Variants in PCED1B observed in about 807,000 individuals in gnomAD.
PCED1B encodes PC-esterase domain-containing protein 1B.
For synonymous variants in PCED1B, 251 were observed against 246.1 expected, an observed-to-expected ratio of 1.02 and a Z score of -0.19; for missense variants, 573 against 573.9, an observed-to-expected ratio of 1.00 and a Z score of 0.02.
intron 2 of PCED1B, among the ~76,000 whole-genome samples, chr12:47,120,052 A>G (rs959907268): frequency 6.6e-6 from 1 of 152,132 alleles, no homozygotes; most frequent in African/African-American, 2.4e-5. Context: ...TCTCCAAGGA[A>G]GATACACAAA....
At chr12:47,221,385 T>C (rs214703) in intron 3 of PCED1B, among the ~76,000 whole-genome samples, 58,764 of 146,644 alleles carry the variant, frequency 0.4, 13,046 homozygotes, top group African/African-American at 0.6. Flanking sequence ...CACCATGTTG[T>C]CCAGGTTGGT....
intron 3 of PCED1B, among the ~76,000 whole-genome samples, chr12:47,224,544 C>CAGTG (rs1374661074): frequency 6.6e-6 from 1 of 152,230 alleles, no homozygotes; most frequent in Non-Finnish European, 1.5e-5. Context: ...AATATACCCA[C>CAGTG]AGTGATTCCT....
At chr12:47,167,557 C>T (rs1037732045) in intron 2 of PCED1B, among the ~76,000 whole-genome samples, 10 of 152,040 alleles carry the variant, frequency 6.6e-5, no homozygotes, top group Non-Finnish European at 4.4e-5. Flanking sequence ...CAAGGACACA[C>T]GTGTACCCAG....
intron 1 of PCED1B, among the ~76,000 whole-genome samples, chr12:47,095,735 T>C (rs1420869949): frequency 6.6e-6 from 1 of 152,244 alleles, no homozygotes; most frequent in Non-Finnish European, 1.5e-5. Context: ...ATTTTTTCAG[T>C]GTTTAGAGTT....
rs148925320 is a variant in PCED1B at position 47,235,607 on chromosome 12, C to T, written c.544C>T (p.Arg182Trp). The T allele has an allele frequency of 6.2e-6, 10 of 1,609,336 alleles. No homozygotes were observed. Among genetic ancestry groups the T allele is most frequent in the African/African-American group, 4.0e-5 (3 of 74,828 alleles). Residue 182 changes from arginine to tryptophan, a missense_variant, in exon 4 of 4, where the codon CGG (arginine) becomes TGG (tryptophan). Arg to Trp is a moderately radical substitution (Grantham distance 101). Coordinates refer to ENST00000546455, the MANE Select transcript of PCED1B (RefSeq NM_138371.3). ...CGGGGGTTTTCTTCCGCCCAAGCTCCGGCGGCAGAAGGCCACCTTCCTGAA... is the reference window on the plus strand; with the variant it reads ...CGGGGGTTTTCTTCCGCCCAAGCTCTGGCGGCAGAAGGCCACCTTCCTGAA... Reference protein sequence around the residue: ...VTGGFLPPKLRRQKATFLKNE... With the variant: ...VTGGFLPPKLWRQKATFLKNE...
intron 2 of PCED1B, among the ~76,000 whole-genome samples, chr12:47,194,265 G>T (rs1044343572): frequency 1.3e-5 from 2 of 152,118 alleles, no homozygotes; most frequent in South Asian, 4.1e-4. Context: ...ACCTCCACCT[G>T]CTGGGTTCAA....
intron 3 of PCED1B, among the ~76,000 whole-genome samples, chr12:47,224,366 C>A (rs764322449): frequency 6.6e-6 from 1 of 152,102 alleles, no homozygotes; most frequent in Admixed American, 6.6e-5. Flanking sequence ...AATTCATAGG[C>A]GTTGTTTATA....
At chr12:47,183,815 T>G (rs1407609520) in intron 2 of PCED1B, among the ~76,000 whole-genome samples, 1 of 152,202 alleles carries the variant, frequency 6.6e-6, no homozygotes, top group African/African-American at 2.4e-5. Flanking sequence ...TTTTTATGTT[T>G]TAATAGACTT....
chr12:47,131,154 C>T (rs1329770028), intron 2 of PCED1B, among the ~76,000 whole-genome samples: 41 of 152,270 alleles, frequency 2.7e-4, no homozygotes, highest in Non-Finnish European at 2.9e-5. Context: ...CAATATCTAT[C>T]ACTTACTTAA....
Position 47,095,615 on chromosome 12 carries a change from G to C in PCED1B, c.-608-8498G>C, listed in dbSNP as rs183513490. Among the ~76,000 whole-genome samples the C allele has an allele frequency of 1.1e-3, 162 of 152,178 alleles. 4 individuals carry two copies. The highest frequency in any genetic ancestry group is 9.2e-3 in the Admixed American group (141 of 15,272). On this transcript the variant is annotated intron_variant, in intron 1 of 3. Coordinates refer to ENST00000546455, the MANE Select transcript of PCED1B (RefSeq NM_138371.3). ...TTTTTCTCTTCCTGCTTCAGGAGTAGATACTTTCTATTTATCTGGGTTCCA... is the reference window on the plus strand; with the variant it reads ...TTTTTCTCTTCCTGCTTCAGGAGTACATACTTTCTATTTATCTGGGTTCCA...
At chr12:47,170,735 G>T (rs1398596124) in intron 2 of PCED1B, among the ~76,000 whole-genome samples, 1 of 152,088 alleles carries the variant, frequency 6.6e-6, no homozygotes, top group Non-Finnish European at 1.5e-5. Flanking sequence ...AACCCAACCT[G>T]CCAGTCTCTG....
chr12:47,129,040 C>G lies in PCED1B; in HGVS notation c.-526+24845C>G, dbSNP rs546027843. Among the ~76,000 whole-genome samples, 7 of 152,306 alleles carry G rather than the reference C, an allele frequency of 4.6e-5. 2 individuals are homozygous for G. Among genetic ancestry groups the G allele is most frequent in the African/African-American group, 1.7e-4 (7 of 41,566 alleles). On this transcript the variant is annotated intron_variant, in intron 2 of 3. Transcript: ENST00000546455. ...CTCCATCTCTGCTATCATTAAAACT[C>G]AGCTGCTCTCTTCTTTCCTTTCATT...
chr12:47,234,190 G>T (rs1943900108), intron 3 of PCED1B, among the ~76,000 whole-genome samples: 1 of 152,048 alleles, frequency 6.6e-6, no homozygotes, highest in South Asian at 2.1e-4. Context: ...GTTTCTCCGT[G>T]TTGGTCAGGC....
chr12:47,165,488 A>C (rs996474754), intron 2 of PCED1B, among the ~76,000 whole-genome samples: 12 of 152,340 alleles, frequency 7.9e-5, no homozygotes, highest in Admixed American at 7.2e-4. Context: ...TATTATTTTA[A>C]CAACTCCAGA....
At position 47,102,789 on chromosome 12, in the gene PCED1B, C is replaced by G. The variant is rs184486875; in HGVS notation, c.-608-1324C>G. 2.0e-5 allele frequency among the ~76,000 whole-genome samples: 3 copies of G among 152,120 alleles called. No homozygotes were observed. In the East Asian group the frequency reaches 5.8e-4, roughly 29 times the overall value. On this transcript the variant is annotated intron_variant, in intron 1 of 3. Transcript: ENST00000546455. ...AGCAATGACGTATAGGAGCACCGTG[C>G]CTAGAAACAGTTATTGTTCAAGAAA...
chr12:47,234,975 T>C, intron 3 of PCED1B, 32 bp from the exon 4 acceptor site: 1 of 1,272,058 alleles, frequency 7.9e-7, no homozygotes, highest in Non-Finnish European at 1.1e-6. Flanking sequence ...CAGAGGTGAG[T>C]CCCTCCCAGC....
At chr12:47,189,729 G>T (rs1175477220) in intron 2 of PCED1B, among the ~76,000 whole-genome samples, 1 of 152,170 alleles carries the variant, frequency 6.6e-6, no homozygotes, top group Non-Finnish European at 1.5e-5. Flanking sequence ...CTTCATTTCA[G>T]CAAACAATTA....
intron 2 of PCED1B, among the ~76,000 whole-genome samples, chr12:47,125,788 A>G (rs541575288): frequency 2.6e-5 from 4 of 152,022 alleles, no homozygotes; most frequent in Non-Finnish European, 5.9e-5. Context: ...TATGTTTTTA[A>G]TTTTAATTTC....
chr12:47,108,422 G>A (rs1038924111), intron 2 of PCED1B, among the ~76,000 whole-genome samples: 3 of 152,098 alleles, frequency 2.0e-5, no homozygotes, highest in Admixed American at 1.3e-4. Context: ...CACCCTACAC[G>A]TTCCTGTTGT....
Sources: allele counts gnomAD v4.1 joint callset (sites outside exome capture counted in the v4.1 genomes callset), GRCh38; gene constraint gnomAD v4.1.1; transcripts MANE v1.5; gene names NCBI Gene and HGNC (gene_info 2026-07-23, HGNC 2026-07-21).